DCLRE1A: variants seen among roughly 807,000 people sequenced by gnomAD.
DCLRE1A encodes the protein DNA cross-link repair 1A.
A neutral mutation model predicts 91.9 loss-of-function variants in DCLRE1A; 64 were observed. That is an observed-to-expected ratio of 0.70 (90% CI 0.57 to 0.86). The LOEUF is 0.86. Among genes scored for constraint, DCLRE1A ranks in the 40% least tolerant of loss-of-function variants. DCLRE1A has a pLI of 0.00. For synonymous variants in DCLRE1A, 416 were observed against 431.1 expected, an observed-to-expected ratio of 0.96 and a Z score of 0.43; for missense variants, 1,145 against 1,213.3, an observed-to-expected ratio of 0.94 and a Z score of 0.84.
chr10:113,850,089 T>C lies in DCLRE1A; in HGVS notation c.1016A>G (p.Asp339Gly), dbSNP rs755983198. ...SKDGSLEEDD[D>G]SCGFFKKRHG... Reference sequence around the variant, plus strand: ...TCGTTTTTTAAAAAAACCACAGCTGTCATCATCTTCTTCGAGGCTGCCATC... The same window carrying C: ...TCGTTTTTTAAAAAAACCACAGCTGCCATCATCTTCTTCGAGGCTGCCATC... Residue 339 changes from aspartate to glycine, a missense_variant, in exon 2 of 9, where the codon GAC becomes GGC. Coordinates refer to ENST00000361384, the MANE Select transcript of DCLRE1A (RefSeq NM_014881.5). 16 of 1,613,868 alleles carry C rather than the reference T, an allele frequency of 9.9e-6. No homozygotes were observed. The African/African-American group carries it at 2.1e-4, about 22-fold the overall frequency.
chr10:113,849,481 G>C lies in DCLRE1A; in HGVS notation c.1624C>G (p.Leu542Val). The part of the protein sequence containing the change: ...PKYLKILPSG[L>V]KYNARHPSTK... ...GAAGGATGTCTTGCATTATACTTAA[G>C]ACCAGAAGGCAATATTTTCAAATAC... Residue 542 changes from leucine (L) to valine (V), a missense_variant, in exon 2 of 9, where the codon CTT becomes GTT. By Grantham distance (32) the Leu-to-Val change is conservative (BLOSUM62 1). Coordinates refer to ENST00000361384, the MANE Select transcript of DCLRE1A (RefSeq NM_014881.5). 6.2e-7 allele frequency: 1 copy of C among 1,614,012 alleles called. No individual in the cohort carries two copies. Among genetic ancestry groups the C allele is most frequent in the East Asian group, 2.2e-5 (1 of 44,874 alleles).
At chr10:113,854,092 TCA>T (rs1845707338), upstream of DCLRE1A, 1 of 152,196 alleles carries the variant, frequency 6.6e-6, no homozygotes, top group African/African-American at 2.4e-5. Flanking sequence ...CAAAAAGCCC[TCA>T]GAGTCCTGCC....
chr10:113,839,243 T>C (rs1845409194), intron 7 of DCLRE1A, among the ~76,000 whole-genome samples: 2 of 138,194 alleles, frequency 1.4e-5, no homozygotes, highest in South Asian at 2.2e-4. Flanking sequence ...GAGAATAGCA[T>C]GAACCCGGGA....
At position 113,852,905 on chromosome 10, in the gene DCLRE1A, T is replaced by C; in HGVS notation, c.278A>G (p.Asp93Gly). Reference protein sequence around the residue: ...SCGDGIQQTQDKETTPGKLCR... With the variant: ...SCGDGIQQTQGKETTPGKLCR... ...GAGTTTTCCTGGAGTAGTTTCCTTG[T>C]CTTGGGTCTGCTGAATACCATCTCC... Residue 93 changes from aspartate (D) to glycine (G), a missense_variant, in exon 1 of 9, where the codon GAC becomes GGC. By Grantham distance (94) the Asp-to-Gly change is moderately conservative. Coordinates refer to ENST00000361384, the MANE Select transcript of DCLRE1A (RefSeq NM_014881.5). 6.2e-7 allele frequency: 1 copy of C among 1,614,088 alleles called. No homozygotes were observed. Among genetic ancestry groups the C allele is most frequent in the Non-Finnish European group, 8.5e-7 (1 of 1,180,018 alleles).
intron 7 of DCLRE1A, among the ~76,000 whole-genome samples, chr10:113,841,014 C>G (rs1411344620): frequency 6.6e-6 from 1 of 152,108 alleles, no homozygotes; most frequent in East Asian, 1.9e-4. Context: ...TCTAGAAAGG[C>G]TTAATATTAA....
chr10:113,835,466 G>A (rs1334503544), intron 8 of DCLRE1A, among the ~76,000 whole-genome samples, 154 bp from the exon 9 acceptor site: 1 of 152,192 alleles, frequency 6.6e-6, no homozygotes, highest in Admixed American at 6.5e-5. Context: ...AAGAAAACTT[G>A]TTGATATCTT....
chr10:113,850,199 T>C lies in DCLRE1A; in HGVS notation c.906A>G (p.Pro302=). 1.2e-6 allele frequency: 2 copies of C among 1,614,146 alleles called. No individual in the cohort carries two copies. Among genetic ancestry groups the C allele is most frequent in the Non-Finnish European group, 1.7e-6 (2 of 1,180,026 alleles). Residue 302 remains proline (P), a synonymous_variant, in exon 2 of 9, where the codon CCA becomes CCG. Transcript: ENST00000361384. ...DFSDCEISYS[P]LQSDEDTHDI... is the part of the protein sequence containing the mutation. ...CATGAGTGTCTTCATCACTTTGAAG[T>C]GGAGAATAGGAGATTTCACAGTCAC...
At chr10:113,842,055 C>T (rs1845453691) in intron 6 of DCLRE1A, among the ~76,000 whole-genome samples, 1 of 152,178 alleles carries the variant, frequency 6.6e-6, no homozygotes, top group Non-Finnish European at 1.5e-5. Flanking sequence ...ATGCATTAAT[C>T]ATCTTTCAAA....
rs187770196 is a variant in DCLRE1A at position 113,848,430 on chromosome 10, A to C, written c.2125+550T>G. ...CATAAATACATTGAACAAATTATAGATCTAGAACATCAATAAAGCACTTTA... is the reference window on the plus strand; with the variant it reads ...CATAAATACATTGAACAAATTATAGCTCTAGAACATCAATAAAGCACTTTA... On this transcript the variant is annotated intron_variant, in intron 2 of 8. Transcript: ENST00000361384. Among the ~76,000 whole-genome samples, 39 of 152,354 alleles carry C rather than the reference A, an allele frequency of 2.6e-4. No homozygotes were observed. The East Asian group carries it at 7.3e-3, about 29-fold the overall frequency.
chr10:113,843,738 C>T (rs1845483898), intron 5 of DCLRE1A, among the ~76,000 whole-genome samples: 2 of 152,186 alleles, frequency 1.3e-5, no homozygotes, highest in Non-Finnish European at 2.9e-5. Flanking sequence ...TACTCAAAAA[C>T]AGAATCACAT....
intron 7 of DCLRE1A, among the ~76,000 whole-genome samples, chr10:113,840,189 G>A (rs2134650030): frequency 6.6e-6 from 1 of 152,052 alleles, no homozygotes; most frequent in South Asian, 2.1e-4. Context: ...AGCCACTCAG[G>A]AGGCTGAGGC....
intron 7 of DCLRE1A, among the ~76,000 whole-genome samples, chr10:113,837,657 G>A (rs954090185): frequency 6.6e-6 from 1 of 152,182 alleles, no homozygotes. Flanking sequence ...ACTCAACACA[G>A]AGATACATTT....
intron 1 of DCLRE1A, among the ~76,000 whole-genome samples, chr10:113,852,442 TAGAC>T (rs1291086956): frequency 1.1e-4 from 17 of 152,268 alleles, no homozygotes; most frequent in Non-Finnish European, 5.9e-5. Flanking sequence ...GTTGGGTAAG[TAGAC>T]AGTGTGAAAG....
Position 113,847,209 on chromosome 10 carries a change from C to T in DCLRE1A, c.2252G>A (p.Cys751Tyr), listed in dbSNP as rs1564843988. 9 of 1,604,740 alleles carry T rather than the reference C, an allele frequency of 5.6e-6. No homozygotes were observed. The highest frequency in any genetic ancestry group is 6.8e-6 in the Non-Finnish European group (8 of 1,174,300). The change falls in exon 3 of 9, where the codon TGT becomes TAT. Residue 751 changes from cysteine (C) to tyrosine (Y), a missense_variant. Cys to Tyr is a radical substitution (Grantham distance 194). Coordinates refer to ENST00000361384, the MANE Select transcript of DCLRE1A (RefSeq NM_014881.5). Reference sequence around the variant, plus strand: ...TAGAATACTAAAACTTACCTCACTACAATAAACTGGAAATGTGAAGTGTTT... The same window carrying T: ...TAGAATACTAAAACTTACCTCACTATAATAAACTGGAAATGTGAAGTGTTT... ...LSKHFTFPVY[C>Y]SEITGNLLKN...
At chr10:113,845,175 A>G (rs539532404) in intron 4 of DCLRE1A, among the ~76,000 whole-genome samples, 7 of 152,240 alleles carry the variant, frequency 4.6e-5, no homozygotes, top group East Asian at 3.9e-4. Flanking sequence ...TGCTGATAGT[A>G]CTTTATATTA....
At chr10:113,844,907 AC>A (rs1216840965) in intron 4 of DCLRE1A, among the ~76,000 whole-genome samples, 1 of 151,684 alleles carries the variant, frequency 6.6e-6, no homozygotes, top group African/African-American at 2.4e-5. Flanking sequence ...TTGCACTCCA[AC>A]CTGGGCAAAA....
At chr10:113,851,377 G>A (rs892879209) in intron 1 of DCLRE1A, among the ~76,000 whole-genome samples, 2 of 151,536 alleles carry the variant, frequency 1.3e-5, no homozygotes, top group Admixed American at 1.3e-4. Context: ...ATAATAAAAT[G>A]TATTCTGAAT....
At chr10:113,846,355 G>A (rs1845537631) in intron 3 of DCLRE1A, among the ~76,000 whole-genome samples, 1 of 152,166 alleles carries the variant, frequency 6.6e-6, no homozygotes, top group African/African-American at 2.4e-5. Flanking sequence ...AGAATGCTGT[G>A]AAGATTAAAT....
At position 113,835,063 on chromosome 10, in the gene DCLRE1A, C is replaced by T. The variant is rs2134641759; in HGVS notation, c.*89G>A. 7 of 1,308,642 alleles carry T rather than the reference C, an allele frequency of 5.3e-6. No homozygotes were observed. The highest frequency in any genetic ancestry group is 2.3e-5 in the Admixed American group (1 of 43,294). The allele number at this position is 1,308,642 out of a possible 1,614,324, so 81.1% of individuals were successfully genotyped here. The stretch of plus-strand genomic sequence containing the variant: ...GAACAATCTTCATGAGGTTTTTCCA[C>T]ACAAAGTGTATTTCACATTTCTATA... On this transcript the variant is annotated 3_prime_UTR_variant, in exon 9 of 9. Transcript: ENST00000361384.
Sources: allele counts gnomAD v4.1 joint callset (sites outside exome capture counted in the v4.1 genomes callset), GRCh38; gene constraint gnomAD v4.1.1; transcripts MANE v1.5; gene names NCBI Gene and HGNC (gene_info 2026-07-23, HGNC 2026-07-21).